MALRD1: variants seen among roughly 807,000 people sequenced by gnomAD.
MALRD1 encodes MAM and LDL receptor class A domain containing 1.
Under a neutral mutation model 242.1 loss-of-function variants are expected in MALRD1, and 247 were observed. The observed-to-expected ratio is 1.02, with a 90% CI of 0.92 to 1.13. MALRD1 has a LOEUF of 1.13. Among genes scored for constraint, MALRD1 ranks in the 50% most tolerant of loss-of-function variants. MALRD1 has a pLI of 0.00. For synonymous variants in MALRD1, 995 were observed against 866.6 expected (o/e 1.15, Z -2.60); for missense variants, 2,989 against 2,533.1 (o/e 1.18, Z -3.86).
intron 5 of MALRD1, among the ~76,000 whole-genome samples, chr10:19,122,298 G>C (rs1837091841): frequency 6.6e-6 from 1 of 152,136 alleles, no homozygotes; most frequent in Non-Finnish European, 1.5e-5. Flanking sequence ...CTGATGGTTG[G>C]GGAGTGGACC....
intron 2 of MALRD1, among the ~76,000 whole-genome samples, chr10:19,083,436 T>C (rs1399452314): frequency 1.3e-5 from 2 of 151,980 alleles, no homozygotes; most frequent in East Asian, 1.9e-4. Flanking sequence ...AAACTCCCTA[T>C]CGATGTCTCA....
Position 19,700,896 on chromosome 10 carries a change from T to C in MALRD1, c.6314+8342T>C, listed in dbSNP as rs549941351. Among the ~76,000 whole-genome samples the C allele has an allele frequency of 3.3e-5, 5 of 152,264 alleles. No homozygotes were observed. In the South Asian group the frequency reaches 1.0e-3, roughly 32 times the overall value. On this transcript the variant is annotated intron_variant, in intron 38 of 39. Coordinates refer to ENST00000454679, the MANE Select transcript of MALRD1 (RefSeq NM_001142308.3). ...CCCTCAGGCTGGGTGCAGTGGCTCATACCTGTAATCCCAACACTTTGGGAG... is the reference window on the plus strand; with the variant it reads ...CCCTCAGGCTGGGTGCAGTGGCTCACACCTGTAATCCCAACACTTTGGGAG...
intron 17 of MALRD1, among the ~76,000 whole-genome samples, chr10:19,206,067 T>C (rs1351260113): frequency 2.7e-5 from 4 of 149,974 alleles, no homozygotes; most frequent in Non-Finnish European, 5.9e-5. Flanking sequence ...ATTTTATATA[T>C]GAAAATTATT....
chr10:19,493,364 ACAAT>A (rs1489225232), intron 30 of MALRD1: 2 of 152,160 alleles, frequency 1.3e-5, no homozygotes, highest in African/African-American at 4.8e-5. Flanking sequence ...AAAAGTCAAA[ACAAT>A]CAACACATCT....
At chr10:19,597,694 A>G (rs1318842025) in intron 34 of MALRD1, among the ~76,000 whole-genome samples, 2 of 152,308 alleles carry the variant, frequency 1.3e-5, no homozygotes, top group East Asian at 1.9e-4. Context: ...AAGATGTGCT[A>G]TACATTAGTG....
intron 26 of MALRD1, among the ~76,000 whole-genome samples, chr10:19,371,159 G>A (rs562433999): frequency 4.6e-5 from 7 of 151,578 alleles, no homozygotes; most frequent in African/African-American, 1.7e-4. Flanking sequence ...GCTCTCAGGA[G>A]GATCACTTGA....
chr10:19,279,983 T>C (rs2131877679), intron 19 of MALRD1, 64 bp from the exon 20 acceptor site: 1 of 1,270,774 alleles, frequency 7.9e-7, no homozygotes, highest in African/African-American at 1.5e-5. Flanking sequence ...TTGTGTAAAA[T>C]CTCTAAAGCA....
intron 37 of MALRD1, 44 bp downstream of exon 37, chr10:19,692,405 T>C: frequency 6.5e-7 from 1 of 1,530,964 alleles, no homozygotes; most frequent in Non-Finnish European, 8.8e-7. Flanking sequence ...TTTGGGGTGG[T>C]CTCTAATATA....
At chr10:19,151,936 G>T (rs547807525) in intron 11 of MALRD1, among the ~76,000 whole-genome samples, 54 of 152,052 alleles carry the variant, frequency 3.6e-4, no homozygotes, top group African/African-American at 1.3e-3. Flanking sequence ...TTGCATTTGT[G>T]AAAGTTATAG....
chr10:19,474,345 C>T (rs1397006476), intron 29 of MALRD1, among the ~76,000 whole-genome samples: 1 of 151,998 alleles, frequency 6.6e-6, no homozygotes, highest in Non-Finnish European at 1.5e-5. Context: ...GTAAATTTAT[C>T]CTATTTCCAA....
At chr10:19,395,300 G>A (rs1329537227) in intron 28 of MALRD1, among the ~76,000 whole-genome samples, 6 of 152,102 alleles carry the variant, frequency 3.9e-5, no homozygotes, top group African/African-American at 1.2e-4. Flanking sequence ...AAGGTGGTCC[G>A]AGCACAGCTT....
intron 26 of MALRD1, among the ~76,000 whole-genome samples, chr10:19,359,844 G>A (rs1207492643): frequency 6.6e-6 from 1 of 151,984 alleles, no homozygotes; most frequent in Non-Finnish European, 1.5e-5. Context: ...TGTAATGTTA[G>A]TCTAAAGAAG....
intron 26 of MALRD1, among the ~76,000 whole-genome samples, chr10:19,357,591 A>G (rs186303332): frequency 5.9e-4 from 90 of 152,236 alleles, no homozygotes; most frequent in African/African-American, 1.9e-3. Flanking sequence ...ATTTATTGAA[A>G]ACATCTCTTA....
At chr10:19,113,840 C>T (rs1588563856) in intron 5 of MALRD1, among the ~76,000 whole-genome samples, 1 of 150,014 alleles carries the variant, frequency 6.7e-6, no homozygotes, top group Non-Finnish European at 1.5e-5. Context: ...CAGACACACA[C>T]ACACAGACAC....
intron 19 of MALRD1, among the ~76,000 whole-genome samples, chr10:19,274,835 A>G (rs763386305): frequency 1.3e-5 from 2 of 151,452 alleles, no homozygotes; most frequent in Non-Finnish European, 2.9e-5. Context: ...GGCAGGAAGG[A>G]AGGGGAACAA....
intron 2 of MALRD1, 100 bp from the exon 3 acceptor site, chr10:19,087,740 A>T: frequency 2.0e-6 from 1 of 493,626 alleles, no homozygotes; most frequent in Admixed American, 4.4e-5. Flanking sequence ...ATGTACAGTG[A>T]AATTATTATT....
At chr10:19,616,258 A>G (rs1839152330) in intron 36 of MALRD1, among the ~76,000 whole-genome samples, 1 of 152,018 alleles carries the variant, frequency 6.6e-6, no homozygotes, top group South Asian at 2.1e-4. Context: ...TATTTCAGAT[A>G]AACTTTGTGT....
intron 24 of MALRD1, among the ~76,000 whole-genome samples, chr10:19,336,003 G>A (rs1047372177): frequency 6.6e-6 from 1 of 151,794 alleles, no homozygotes; most frequent in African/African-American, 2.4e-5. Context: ...CAAATCATGA[G>A]TGAACTCCCA....
rs1564356457 is a variant in MALRD1, at chr10:19,454,404, T to TTATATATATATATATA, written c.5029+3914_5029+3915insTATATATATATATATA. 2.2e-3 allele frequency among the ~76,000 whole-genome samples: 68 copies of TTATATATATATATATA among 30,394 alleles called. 1 individual carries two copies. Among genetic ancestry groups the TTATATATATATATATA allele is most frequent in the Non-Finnish European group, 3.7e-3 (54 of 14,690 alleles). 19.9% of individuals were successfully genotyped at this position (30,394 alleles called of 152,430 possible). On this transcript the variant is annotated intron_variant, in intron 29 of 39. Coordinates refer to ENST00000454679, the MANE Select transcript of MALRD1 (RefSeq NM_001142308.3). Reference sequence around the variant, plus strand: ...AATGAGGAAAGGTAGATTATGCATATGATATATATATATATATATATATAT... The same window carrying TTATATATATATATATA: ...AATGAGGAAAGGTAGATTATGCATATTATATATATATATATAGATATATATATATATATATATATAT...
Sources: allele counts gnomAD v4.1 joint callset (sites outside exome capture counted in the v4.1 genomes callset), GRCh38; gene constraint gnomAD v4.1.1; transcripts MANE v1.5; gene names NCBI Gene and HGNC (gene_info 2026-07-23, HGNC 2026-07-21).